The following NPAT variants were observed in gnomAD, a reference collection of about 807,000 sequenced individuals.
NPAT encodes the protein protein NPAT.
In NPAT, 52 loss-of-function variants were observed where a neutral mutation model predicts 130.7. The observed-to-expected ratio is 0.40, with a 90% CI of 0.32 to 0.50. The LOEUF is 0.50. Ranked by LOEUF, NPAT falls within the 20% of genes least tolerant of loss-of-function variation. The pLI, the probability that NPAT is intolerant of heterozygous loss-of-function variation, is 0.68. For synonymous variants in NPAT, 580 were observed against 584.8 expected, an observed-to-expected ratio of 0.99 and a Z score of 0.12; for missense variants, 1,687 against 1,662.6, an observed-to-expected ratio of 1.01 and a Z score of -0.26.
intron 10 of NPAT, among the ~76,000 whole-genome samples, chr11:108,180,555 G>T (rs1333708959): frequency 6.6e-6 from 1 of 152,174 alleles, no homozygotes; most frequent in Non-Finnish European, 1.5e-5. Context: ...AAAATGACAC[G>T]TGTTGATGAG....
chr11:108,158,818 A>G lies in NPAT; in HGVS notation c.*124T>C. ...CAGAAACAGCATGATTTAGATATAA[A>G]GTGAAGTTTCAGTACAATGAAAGTG... On this transcript the variant is annotated 3_prime_UTR_variant, in exon 18 of 18. Transcript: ENST00000278612. 3.1e-6 allele frequency: 2 copies of G among 653,268 alleles called. No individual in the cohort carries two copies. Among genetic ancestry groups the G allele is most frequent in the Non-Finnish European group, 5.5e-6 (2 of 361,406 alleles). The allele number at this position is 653,268 out of a possible 1,614,324, so 40.5% of individuals were successfully genotyped here. A position where few individuals can be genotyped will look rare whatever the true frequency, so the allele number is the denominator to read the frequency against.
At chr11:108,172,153 G>T in intron 13 of NPAT, 46 bp downstream of exon 13, 1 of 1,532,802 alleles carries the variant, frequency 6.5e-7, no homozygotes, top group Non-Finnish European at 9.0e-7. Flanking sequence ...AAAGAAATTA[G>T]ATCCCAACCC....
intron 1 of NPAT, among the ~76,000 whole-genome samples, chr11:108,200,897 T>C (rs192296120): frequency 5.9e-5 from 9 of 152,262 alleles, no homozygotes; most frequent in African/African-American, 2.2e-4. Flanking sequence ...CTGCATACCA[T>C]TACACCCCAA....
chr11:108,222,363 A>AT (rs2078528310), intron 1 of NPAT, 137 bp downstream of exon 1: 6 of 877,462 alleles, frequency 6.8e-6, no homozygotes, highest in Non-Finnish European at 1.1e-5. Context: ...ATGACGAAGA[A>AT]TCACCGCCAG....
chr11:108,186,588 G>A lies in NPAT; in HGVS notation c.639-19C>T. On this transcript the variant is annotated intron_variant, in intron 7 of 17. Coordinates refer to ENST00000278612, the MANE Select transcript of NPAT (RefSeq NM_002519.3). ...AGATTCACTGAAACACATTTTAAAA[G>A]CTTTTCTTTTAACCACTATATTTAA... 2 of 1,597,172 alleles carry A rather than the reference G, an allele frequency of 1.3e-6. No individual in the cohort carries two copies. Among genetic ancestry groups the A allele is most frequent in the South Asian group, 1.1e-5 (1 of 90,734 alleles).
rs780855464 is a variant in NPAT, at chr11:108,169,939, G to A, written c.2890C>T (p.Pro964Ser). ...TTCATAAATCTTACCTGCCGAGGAG[G>A]AGTAGAAAAGTTATTTCCATTCTGT... ...VGQNGNNFST[P>S]PRQVLHMPLT... The change falls in exon 14 of 18, where the codon CCT (proline) becomes TCT (serine). Residue 964 changes from proline to serine, a missense_variant. By Grantham distance (74) the Pro-to-Ser change is moderately conservative. Coordinates refer to ENST00000278612, the MANE Select transcript of NPAT (RefSeq NM_002519.3). 2 of 1,613,000 alleles carry A rather than the reference G, an allele frequency of 1.2e-6. No individual in the cohort carries two copies. The highest frequency in any genetic ancestry group is 1.7e-6 in the Non-Finnish European group (2 of 1,179,024).
At chr11:108,199,029 T>C (rs1384187980) in intron 1 of NPAT, among the ~76,000 whole-genome samples, 32 of 152,160 alleles carry the variant, frequency 2.1e-4, no homozygotes, top group Non-Finnish European at 1.5e-5. Flanking sequence ...AGCCCAGGAC[T>C]GAAGCAGACT....
intron 15 of NPAT, among the ~76,000 whole-genome samples, chr11:108,165,009 CAAAAATAAA>C (rs1490264264): frequency 2.0e-5 from 3 of 151,450 alleles, no homozygotes; most frequent in Non-Finnish European, 1.5e-5. Context: ...GACTCTGTCT[CAAAAATAAA>C]ATAAATAAAT....
At chr11:108,169,635 C>T (rs1365406881) in intron 15 of NPAT, 109 bp downstream of exon 15, 1 of 812,352 alleles carries the variant, frequency 1.2e-6, no homozygotes, top group Non-Finnish European at 2.1e-6. Context: ...GTAGGGTGAT[C>T]ACTTGTTTTA....
intron 2 of NPAT, among the ~76,000 whole-genome samples, chr11:108,196,336 C>T (rs539019463): frequency 8.1e-4 from 123 of 152,248 alleles, no homozygotes; most frequent in Non-Finnish European, 1.5e-3. Context: ...CCCTTCATCT[C>T]GATTATCATA....
At chr11:108,163,930 C>A (rs2077876660) in intron 15 of NPAT, among the ~76,000 whole-genome samples, 1 of 152,064 alleles carries the variant, frequency 6.6e-6, no homozygotes, top group Admixed American at 6.6e-5. Context: ...TGGGACAAAC[C>A]TATGTTTATA....
chr11:108,168,206 AG>A, intron 15 of NPAT, among the ~76,000 whole-genome samples: 1 of 152,168 alleles, frequency 6.6e-6, no homozygotes, highest in East Asian at 1.9e-4. Flanking sequence ...TCTGGGAATA[AG>A]CCCCCAAAGA....
chr11:108,188,500 T>C (rs2078130797), intron 6 of NPAT, among the ~76,000 whole-genome samples: 1 of 152,036 alleles, frequency 6.6e-6, no homozygotes. Context: ...ATGAGGGAGA[T>C]CTTGATGGCA....
chr11:108,199,752 G>A (rs1331724262), intron 1 of NPAT, among the ~76,000 whole-genome samples: 1 of 152,104 alleles, frequency 6.6e-6, no homozygotes, highest in Non-Finnish European at 1.5e-5. Flanking sequence ...GCATAGGATC[G>A]GAATAAGGTC....
Position 108,173,065 on chromosome 11 carries a change from G to T in NPAT, c.1919C>A (p.Ala640Glu). 2.5e-6 allele frequency: 4 copies of T among 1,614,012 alleles called. No homozygotes were observed. The South Asian group carries it at 4.4e-5, about 18-fold the overall frequency. Residue 640 changes from alanine to glutamate, a missense_variant, in exon 13 of 18, where the codon GCA (alanine) becomes GAA (glutamate). Coordinates refer to ENST00000278612, the MANE Select transcript of NPAT (RefSeq NM_002519.3). Reference protein sequence around the residue: ...SSTKQPSNDSASVELNHTENE... With the variant: ...SSTKQPSNDSESVELNHTENE... Reference sequence around the variant, plus strand: ...TTCTGTATGATTTAACTCAACAGATGCTGAATCATTAGATGGTTGTTTAGT... The same window carrying T: ...TTCTGTATGATTTAACTCAACAGATTCTGAATCATTAGATGGTTGTTTAGT...
chr11:108,215,451 T>C (rs914990835), intron 1 of NPAT, among the ~76,000 whole-genome samples: 4 of 152,118 alleles, frequency 2.6e-5, no homozygotes, highest in Non-Finnish European at 2.9e-5. Context: ...GGTGATGAAA[T>C]AATACGTACA....
chr11:108,168,701 A>G (rs773833101), intron 15 of NPAT, among the ~76,000 whole-genome samples: 1 of 152,218 alleles, frequency 6.6e-6, no homozygotes, highest in Non-Finnish European at 1.5e-5. Flanking sequence ...ATTTAAGTTA[A>G]TTTCGAAGGA....
intron 2 of NPAT, among the ~76,000 whole-genome samples, chr11:108,195,068 C>T (rs1286520184): frequency 2.6e-5 from 4 of 151,196 alleles, no homozygotes; most frequent in African/African-American, 7.3e-5. Flanking sequence ...GCTATCCACT[C>T]GCCTTGGCCT....
intron 1 of NPAT, among the ~76,000 whole-genome samples, chr11:108,219,817 T>A (rs1474848098): frequency 6.6e-6 from 1 of 152,224 alleles, no homozygotes; most frequent in African/African-American, 2.4e-5. Context: ...ATTTTGTTAG[T>A]ATATTTTATC....
Sources: allele counts gnomAD v4.1 joint callset (sites outside exome capture counted in the v4.1 genomes callset), GRCh38; gene constraint gnomAD v4.1.1; transcripts MANE v1.5; gene names NCBI Gene and HGNC (gene_info 2026-07-23, HGNC 2026-07-21).